CXADR: variants seen among roughly 807,000 people sequenced by gnomAD.
The protein encoded by CXADR is CXADR cell adhesion molecule, also known as coxsackievirus and adenovirus receptor.
Under a neutral mutation model 40.3 loss-of-function variants are expected in CXADR, and 20 were observed. That is an observed-to-expected ratio of 0.50 (90% CI 0.35 to 0.72). CXADR has a LOEUF of 0.72. Among genes scored for constraint, CXADR ranks in the 30% least tolerant of loss-of-function variants. The pLI, the probability that CXADR is intolerant of heterozygous loss-of-function variation, is 0.01. For synonymous variants in CXADR, 150 were observed against 161.3 expected, an observed-to-expected ratio of 0.93 and a Z score of 0.53; for missense variants, 332 against 449.1, an observed-to-expected ratio of 0.74 and a Z score of 2.36.
At chr21:17,514,391 T>C (rs1261334925) in intron 1 of CXADR, among the ~76,000 whole-genome samples, 1 of 152,154 alleles carries the variant, frequency 6.6e-6, no homozygotes, top group Non-Finnish European at 1.5e-5. Context: ...CTCCACCTTT[T>C]TGATATATAT....
chr21:17,555,289 A>G (rs2061020223), intron 3 of CXADR, among the ~76,000 whole-genome samples: 1 of 152,210 alleles, frequency 6.6e-6, no homozygotes, highest in Non-Finnish European at 1.5e-5. Context: ...GGCAGCAGCA[A>G]GTGTAGTGGC....
At chr21:17,555,448 T>G (rs1226854076) in intron 3 of CXADR, among the ~76,000 whole-genome samples, 1 of 152,248 alleles carries the variant, frequency 6.6e-6, no homozygotes, top group Non-Finnish European at 1.5e-5. Context: ...GGATCCATCA[T>G]CTAATTTCCC....
At chr21:17,587,584 G>A (rs1441792882) in intron 7 of CXADR, among the ~76,000 whole-genome samples, 4 of 151,858 alleles carry the variant, frequency 2.6e-5, no homozygotes, top group African/African-American at 7.2e-5. Context: ...TTTCGATGGG[G>A]TTGTTTTTTT....
At chr21:17,573,317 T>TC (rs2061294238), downstream of CXADR, among the ~76,000 whole-genome samples, 1 of 152,094 alleles carries the variant, frequency 6.6e-6, no homozygotes, top group Admixed American at 6.5e-5. Flanking sequence ...ATCTGAGACT[T>TC]CAACATAGAG....
intron 1 of CXADR, chr21:17,518,618 T>A: frequency 6.5e-7 from 1 of 1,547,784 alleles, no homozygotes; most frequent in Non-Finnish European, 8.9e-7. Flanking sequence ...GCTGCTTTAC[T>A]GTCCAAGACT....
In CXADR at chr21:17,513,186, A is replaced by T. The variant is rs116898279; in HGVS notation, c.43+14A>T. The T allele has an allele frequency of 2.9e-6, 4 of 1,362,668 alleles. No homozygotes were observed. Among genetic ancestry groups the T allele is most frequent in the Non-Finnish European group, 3.8e-6 (4 of 1,054,682 alleles). 84.4% of individuals were successfully genotyped at this position (1,362,668 alleles called of 1,614,324 possible). A position where few individuals can be genotyped will look rare whatever the true frequency, so the allele number is the denominator to read the frequency against. Reference sequence around the variant, plus strand: ...GCGGAGTAGTGGGTGAGTAGGGGCCATGGGGTCCTCAGCACCCGCCCAGCC... The same window carrying T: ...GCGGAGTAGTGGGTGAGTAGGGGCCTTGGGGTCCTCAGCACCCGCCCAGCC... On this transcript the variant is annotated intron_variant, in intron 1 of 6. Transcript: ENST00000284878.
chr21:17,542,449 A>G (rs1391901782), intron 1 of CXADR, among the ~76,000 whole-genome samples: 2 of 152,200 alleles, frequency 1.3e-5, no homozygotes, highest in Admixed American at 1.3e-4. Flanking sequence ...AGGGCTAAAA[A>G]AATACTCTTT....
At chr21:17,544,105 G>A (rs2060863740) in intron 1 of CXADR, among the ~76,000 whole-genome samples, 1 of 152,178 alleles carries the variant, frequency 6.6e-6, no homozygotes. Flanking sequence ...CATATGCTAA[G>A]TGCCGAGTAA....
chr21:17,555,853 T>C (rs899676543), intron 3 of CXADR, among the ~76,000 whole-genome samples: 5 of 152,212 alleles, frequency 3.3e-5, no homozygotes, highest in African/African-American at 9.6e-5. Context: ...AGATTTTGCC[T>C]GGAGTCAGGG....
intron 1 of CXADR, among the ~76,000 whole-genome samples, chr21:17,518,016 A>G (rs895877319): frequency 7.9e-5 from 12 of 152,354 alleles, no homozygotes; most frequent in East Asian, 1.9e-4. Flanking sequence ...AAAATATGAT[A>G]GTTAACCAAG....
At chr21:17,600,493 A>G in the CXADR span, among the ~76,000 whole-genome samples, 1 of 152,206 alleles carries the variant, frequency 6.6e-6, no homozygotes, top group Non-Finnish European at 1.5e-5. Context: ...TATCTATTAT[A>G]AAGTAAAAGG....
At position 17,539,950 on chromosome 21, in the gene CXADR, G is replaced by A. The variant is rs150025948; in HGVS notation, c.44-7077G>A. 4.6e-5 allele frequency among the ~76,000 whole-genome samples: 7 copies of A among 152,250 alleles called. No individual in the cohort carries two copies. The East Asian group carries it at 1.4e-3, about 29-fold the overall frequency. On this transcript the variant is annotated intron_variant, in intron 1 of 6. Coordinates refer to ENST00000284878, the MANE Select transcript of CXADR (RefSeq NM_001338.5). ...TCTGCTCAGGCTGCCGTAACAAAAT[G>A]CCATAGACAAAATACCAATACAAAA...
the CXADR span, among the ~76,000 whole-genome samples, chr21:17,610,256 G>T: frequency 6.6e-6 from 1 of 152,184 alleles, no homozygotes; most frequent in Non-Finnish European, 1.5e-5. Flanking sequence ...CTATAGTAAT[G>T]GTTGTACAAC....
rs145393857 is a variant in CXADR, at chr21:17,551,904, G to A, written c.366G>A (p.Val122=). The change falls in exon 3 of 7, where the codon GTG becomes GTA. Residue 122 remains valine, a synonymous_variant. Coordinates refer to ENST00000284878, the MANE Select transcript of CXADR (RefSeq NM_001338.5). Reference sequence around the variant, plus strand: ...ATATTGGCACATATCAGTGCAAAGTGAAAAAAGCTCCTGGTGTTGCAAATA... The same window carrying A: ...ATATTGGCACATATCAGTGCAAAGTAAAAAAAGCTCCTGGTGTTGCAAATA... The part of the protein sequence containing the change: ...LSDIGTYQCK[V]KKAPGVANKK... 2,808 of 1,613,784 alleles carry A rather than the reference G, an allele frequency of 1.7e-3. 7 individuals carry two copies. Among genetic ancestry groups the A allele is most frequent in the Non-Finnish European group, 2.2e-3 (2,630 of 1,179,848 alleles).
rs190977955 is a variant in CXADR at position 17,515,662 on chromosome 21, A to T, written c.43+2490A>T. 3.5e-3 allele frequency among the ~76,000 whole-genome samples: 529 copies of T among 152,122 alleles called. 6 individuals are homozygous for T. The highest frequency in any genetic ancestry group is 0.012 in the African/African-American group (496 of 41,478). On this transcript the variant is annotated intron_variant, in intron 1 of 6. Coordinates refer to ENST00000284878, the MANE Select transcript of CXADR (RefSeq NM_001338.5). ...CCGTCCCTACTAAAAATACAAAAAA[A>T]TTAGCCGAGCCTGGTGGCAGGCGCC...
chr21:17,519,695 T>C (rs2060504951), intron 1 of CXADR, among the ~76,000 whole-genome samples: 3 of 152,182 alleles, frequency 2.0e-5, no homozygotes, highest in Admixed American at 2.0e-4. Flanking sequence ...TAAACCTGGG[T>C]GACCTCTTGT....
rs374392858 is a variant in CXADR, at chr21:17,589,351, G to C, written c.1018-3801G>C. Among the ~76,000 whole-genome samples the C allele has an allele frequency of 3.9e-5, 6 of 152,152 alleles. No homozygotes were observed. The East Asian group carries it at 9.6e-4, about 24-fold the overall frequency. The stretch of plus-strand genomic sequence containing the variant: ...TTGATTATCACTGATGGCAGCATTT[G>C]CATCTGCTAAAAATAAATCCATTGA... On this transcript the variant is annotated intron_variant, in intron 7 of 7. Transcript: ENST00000400169.
In CXADR at chr21:17,513,046, C is replaced by A. The variant is rs576230651; in HGVS notation, c.-84C>A. 4 of 1,255,658 alleles carry A rather than the reference C, an allele frequency of 3.2e-6. No homozygotes were observed. Among genetic ancestry groups the A allele is most frequent in the Non-Finnish European group, 4.1e-6 (4 of 976,952 alleles). 77.8% of individuals were successfully genotyped at this position (1,255,658 alleles called of 1,614,324 possible). On this transcript the variant is annotated 5_prime_UTR_variant, in exon 1 of 7. Transcript: ENST00000284878. ...GGTGCCGCCGCCGCCGCGAGCCAGTCGGGAGCGCGCGAGGCGCGGGGAGCC... is the reference window on the plus strand; with the variant it reads ...GGTGCCGCCGCCGCCGCGAGCCAGTAGGGAGCGCGCGAGGCGCGGGGAGCC...
chr21:17,534,094 A>AT (rs2060719030), intron 1 of CXADR, among the ~76,000 whole-genome samples: 2 of 90,706 alleles, frequency 2.2e-5, no homozygotes, highest in African/African-American at 1.0e-4. Context: ...ATATATATAT[A>AT]TATATATTTT....
Sources: allele counts gnomAD v4.1 joint callset (sites outside exome capture counted in the v4.1 genomes callset), GRCh38; gene constraint gnomAD v4.1.1; transcripts MANE v1.5; gene names NCBI Gene and HGNC (gene_info 2026-07-23, HGNC 2026-07-21).